Variants in TMEM163 observed in about 807,000 individuals in gnomAD.
TMEM163 encodes the protein transmembrane protein 163.
Under a neutral mutation model 29.3 loss-of-function variants are expected in TMEM163, and 17 were observed. The observed-to-expected ratio is 0.58, with a 90% CI of 0.40 to 0.87. TMEM163 has a LOEUF of 0.87. TMEM163 is among the 40% of genes least tolerant of loss of function. TMEM163 has a pLI of 0.00. For synonymous variants in TMEM163, 157 were observed against 160.6 expected (o/e 0.98, Z 0.17); for missense variants, 303 against 381.5 (o/e 0.79, Z 1.71).
chr2:134,615,183 T>C (rs1270997606), intron 2 of TMEM163, among the ~76,000 whole-genome samples: 2 of 152,190 alleles, frequency 1.3e-5, no homozygotes, highest in South Asian at 2.1e-4. Context: ...TGTTATAACA[T>C]GTCTAAACAA....
rs149765328 is a variant in TMEM163 at position 134,592,831 on chromosome 2, T to C, written c.323-40740A>G. On this transcript the variant is annotated intron_variant, in intron 2 of 7. Transcript: ENST00000281924. The stretch of plus-strand genomic sequence containing the variant: ...GATAGACTATCTCTCCCTGTATGCA[T>C]ATATACACATGTATATAGAGATACA... Among the ~76,000 whole-genome samples the C allele has an allele frequency of 7.2e-3, 941 of 130,258 alleles. 16 individuals carry two copies. Among genetic ancestry groups the C allele is most frequent in the African/African-American group, 0.026 (908 of 34,962 alleles). 85.5% of individuals were successfully genotyped at this position (130,258 alleles called of 152,430 possible).
intron 4 of TMEM163, among the ~76,000 whole-genome samples, chr2:134,524,930 T>G (rs1034314490): frequency 7.2e-6 from 1 of 138,198 alleles, no homozygotes; most frequent in Non-Finnish European, 1.6e-5. Context: ...TTCTAGGTCT[T>G]TGAGGAATCA....
intron 2 of TMEM163, among the ~76,000 whole-genome samples, chr2:134,628,491 T>C (rs1196257847): frequency 1.3e-5 from 2 of 152,244 alleles, no homozygotes; most frequent in African/African-American, 4.8e-5. Context: ...CAATGGGATA[T>C]ATGATTGACA....
intron 2 of TMEM163, among the ~76,000 whole-genome samples, chr2:134,585,707 A>G (rs933323962): frequency 6.7e-6 from 1 of 149,666 alleles, no homozygotes. Context: ...GCGCCACTGC[A>G]CTCCAGCCTG....
intron 2 of TMEM163, among the ~76,000 whole-genome samples, chr2:134,678,985 A>T (rs1684176180): frequency 6.6e-6 from 1 of 152,268 alleles, no homozygotes; most frequent in Non-Finnish European, 1.5e-5. Context: ...TGTGTATGAA[A>T]ATAATGGATT....
At chr2:134,484,913 GGA>G (rs1379235386) in intron 5 of TMEM163, among the ~76,000 whole-genome samples, 11 of 152,300 alleles carry the variant, frequency 7.2e-5, no homozygotes, top group African/African-American at 2.2e-4. Flanking sequence ...GCTGCTGTAG[GGA>G]GAGAGTTACT....
At chr2:134,708,136 C>G (rs1305545449) in intron 2 of TMEM163, among the ~76,000 whole-genome samples, 1 of 152,178 alleles carries the variant, frequency 6.6e-6, no homozygotes, top group African/African-American at 2.4e-5. Context: ...ATCCACCTGC[C>G]TCGGCCTCCC....
At chr2:134,527,491 G>C (rs578122890) in intron 4 of TMEM163, among the ~76,000 whole-genome samples, 2 of 152,124 alleles carry the variant, frequency 1.3e-5, no homozygotes, top group African/African-American at 4.8e-5. Flanking sequence ...CCCAAATCCC[G>C]CTGCTATCGC....
At chr2:134,619,869 A>G (rs1682688643) in intron 2 of TMEM163, among the ~76,000 whole-genome samples, 1 of 152,234 alleles carries the variant, frequency 6.6e-6, no homozygotes, top group East Asian at 1.9e-4. Flanking sequence ...ATATACAAAT[A>G]TTAATTGTAT....
At chr2:134,505,469 G>T (rs1353406730) in intron 4 of TMEM163, among the ~76,000 whole-genome samples, 1 of 152,040 alleles carries the variant, frequency 6.6e-6, no homozygotes, top group Non-Finnish European at 1.5e-5. Context: ...GGCTGAGATA[G>T]AAGCGACATC....
At chr2:134,656,775 C>A (rs1683630336) in intron 2 of TMEM163, among the ~76,000 whole-genome samples, 1 of 152,066 alleles carries the variant, frequency 6.6e-6, no homozygotes. Context: ...CCCTTCAGTG[C>A]CTTGTTTGTT....
intron 2 of TMEM163, among the ~76,000 whole-genome samples, chr2:134,656,727 G>A (rs1683628919): frequency 6.6e-6 from 1 of 152,254 alleles, no homozygotes; most frequent in Non-Finnish European, 1.5e-5. Context: ...TTTGGCTGTG[G>A]GTATGTCATA....
chr2:134,679,607 TCAGGAGCTTCC>T lies in TMEM163; in HGVS notation c.322+33582_322+33592del, dbSNP rs1684187068. Among the ~76,000 whole-genome samples the T allele has an allele frequency of 1.3e-5, 2 of 152,142 alleles. 1 individual carries two copies. The highest frequency in any genetic ancestry group is 4.1e-4 in the South Asian group (2 of 4,828). On this transcript the variant is annotated intron_variant, in intron 2 of 7. Transcript: ENST00000281924. ...GTGCTTGCAAAAAGGTAAGATGCATTCAGGAGCTTCCCAGGAGCTTTCGAAGACATTTTATT... is the reference window on the plus strand; with the variant it reads ...GTGCTTGCAAAAAGGTAAGATGCATTCAGGAGCTTTCGAAGACATTTTATT...
chr2:134,605,363 A>G (rs1314187061), intron 2 of TMEM163, among the ~76,000 whole-genome samples: 2 of 152,168 alleles, frequency 1.3e-5, no homozygotes, highest in African/African-American at 4.8e-5. Context: ...ATTGCTAATA[A>G]TAGAGAAAAG....
intron 5 of TMEM163, among the ~76,000 whole-genome samples, chr2:134,481,819 G>A (rs1215917199): frequency 6.6e-6 from 1 of 152,140 alleles, no homozygotes; most frequent in Non-Finnish European, 1.5e-5. Flanking sequence ...TGAAAGTGCT[G>A]TGAGAACCAT....
intron 2 of TMEM163, among the ~76,000 whole-genome samples, chr2:134,665,359 T>C (rs1474848128): frequency 6.6e-6 from 1 of 152,160 alleles, no homozygotes; most frequent in Non-Finnish European, 1.5e-5. Context: ...GAACTGCCCC[T>C]TATAAAACCA....
chr2:134,511,158 G>GA (rs1223109533), intron 4 of TMEM163, among the ~76,000 whole-genome samples: 2 of 150,180 alleles, frequency 1.3e-5, no homozygotes, highest in Admixed American at 1.3e-4. Context: ...CAAGGCGGGG[G>GA]GGGGTGCTGT....
In TMEM163 at chr2:134,599,014, T is replaced by TAA. The variant is rs34207224; in HGVS notation, c.323-46925_323-46924dup. 1.2e-4 allele frequency among the ~76,000 whole-genome samples: 15 copies of TAA among 124,328 alleles called. No individual in the cohort carries two copies. In the East Asian group the frequency reaches 1.3e-3, roughly 10 times the overall value. 81.6% of individuals were successfully genotyped at this position (124,328 alleles called of 152,430 possible). On this transcript the variant is annotated intron_variant, in intron 2 of 7. Coordinates refer to ENST00000281924, the MANE Select transcript of TMEM163 (RefSeq NM_030923.5). ...AAAGGACTCACTGAAGCCATTCCGT[T>TAA]AAAAAAAAAAAAAAAAAAAAAAGGA...
intron 2 of TMEM163, among the ~76,000 whole-genome samples, chr2:134,565,168 G>T (rs1171280814): frequency 6.6e-6 from 1 of 152,132 alleles, no homozygotes; most frequent in African/African-American, 2.4e-5. Flanking sequence ...AACCCAGGAG[G>T]CAGAGGTTGT....
Sources: allele counts gnomAD v4.1 joint callset (sites outside exome capture counted in the v4.1 genomes callset), GRCh38; gene constraint gnomAD v4.1.1; transcripts MANE v1.5; gene names NCBI Gene and HGNC (gene_info 2026-07-23, HGNC 2026-07-21).